FAAP100: variants seen among roughly 807,000 people sequenced by gnomAD.
FAAP100 encodes the protein Fanconi anemia core complex-associated protein 100.
A neutral mutation model predicts 65.8 loss-of-function variants in FAAP100; 46 were observed. The observed-to-expected ratio is 0.70, with a 90% confidence interval of 0.55 to 0.89. The LOEUF is 0.89. FAAP100 is among the 40% of genes least tolerant of loss of function. FAAP100 has a pLI of 0.00. For synonymous variants in FAAP100, 663 were observed against 555.1 expected (o/e 1.19, Z -2.73); for missense variants, 1,165 against 1,196.7 (o/e 0.97, Z 0.39).
intron 7 of FAAP100, among the ~76,000 whole-genome samples, chr17:81,543,075 G>A (rs1267706654): frequency 1.3e-5 from 2 of 152,220 alleles, no homozygotes; most frequent in Non-Finnish European, 2.9e-5. Context: ...CAGGGTCCTT[G>A]CACCAAATGA....
rs941450792 is a variant in FAAP100, at chr17:81,550,515, T to C, written c.979A>G (p.Ser327Gly). Residue 327 changes from serine to glycine, a missense_variant, in exon 3 of 9, where the codon AGC becomes GGC. Ser to Gly is a moderately conservative substitution (Grantham distance 56). Transcript: ENST00000327787. Reference protein sequence around the residue: ...HHGRMLAIKASWDESGKLVPE... With the variant: ...HHGRMLAIKAGWDESGKLVPE... ...ACCAGCTTCCCGGACTCATCCCAGC[T>C]GGCCTTGATGGCCAGCATCCGGCCG... is the stretch of plus-strand genomic sequence containing the variant. 3 of 1,612,736 alleles carry C rather than the reference T, an allele frequency of 1.9e-6. No homozygotes were observed. Among genetic ancestry groups the C allele is most frequent in the African/African-American group, 2.7e-5 (2 of 74,960 alleles).
At position 81,544,120 on chromosome 17, in the gene FAAP100, C is replaced by T. The variant is rs1173951625; in HGVS notation, c.2311G>A (p.Val771Met). 1 of 1,606,958 alleles carries T rather than the reference C, an allele frequency of 6.2e-7. No homozygotes were observed. Among genetic ancestry groups the T allele is most frequent in the African/African-American group, 1.3e-5 (1 of 74,848 alleles). The change falls in exon 7 of 9, where the codon GTG (valine) becomes ATG (methionine). Residue 771 changes from valine to methionine, a missense_variant and splice_region_variant. Transcript: ENST00000327787. ...GANVHLIVRE[V>M]AMTDLCPAGP... is the part of the protein sequence containing the mutation. The stretch of plus-strand genomic sequence containing the variant: ...GCTGGGCACAGGTCAGTCATGGCCA[C>T]CTGCAACACAGGAGCCACCTCACTG...
At chr17:81,548,045 C>A (rs1170603084) in intron 4 of FAAP100, 1 of 683,164 alleles carries the variant, frequency 1.5e-6, no homozygotes, top group Middle Eastern at 2.8e-4. Context: ...ACCCTTGGCT[C>A]CCCAGAATGT....
intron 6 of FAAP100, among the ~76,000 whole-genome samples, chr17:81,545,335 G>A (rs1193669617): frequency 3.3e-5 from 5 of 152,252 alleles, no homozygotes; most frequent in East Asian, 1.9e-4. Context: ...AGGTGTGCAC[G>A]ACAGGGGCTG....
chr17:81,540,923 G>C lies in FAAP100; in HGVS notation c.2542C>G (p.Arg848Gly), dbSNP rs1401804618. 1 of 1,591,520 alleles carries C rather than the reference G, an allele frequency of 6.3e-7. No individual in the cohort carries two copies. Among genetic ancestry groups the C allele is most frequent in the African/African-American group, 1.3e-5 (1 of 74,708 alleles). The change falls in exon 9 of 9, where the codon CGC (arginine) becomes GGC (glycine). Residue 848 changes from arginine to glycine, a missense_variant. Arg to Gly is a moderately radical substitution (Grantham distance 125, BLOSUM62 -2). Coordinates refer to ENST00000327787, the MANE Select transcript of FAAP100 (RefSeq NM_025161.6). Reference sequence around the variant, plus strand: ...TCATCCTCCGTGCAGAGCCGGTCGCGCAGGGTCTGCACCTCCCGCAGCAGT... The same window carrying C: ...TCATCCTCCGTGCAGAGCCGGTCGCCCAGGGTCTGCACCTCCCGCAGCAGT... ...ETLLREVQTL[R>G]DRLCTEDEAS...
In FAAP100 at chr17:81,543,996, C is replaced by A. The variant is rs149118751; in HGVS notation, c.2427+8G>T. On this transcript the variant is annotated splice_region_variant and intron_variant, in intron 7 of 8. Transcript: ENST00000327787. ...ATCCTGGCCACCTTCCCCAGCGGGC[C>A]GACATACCTGCATGCGCCCGACAAC... is the stretch of plus-strand genomic sequence containing the variant. 1.2e-6 allele frequency: 2 copies of A among 1,606,442 alleles called. No individual in the cohort carries two copies. Among genetic ancestry groups the A allele is most frequent in the African/African-American group, 1.3e-5 (1 of 74,852 alleles).
chr17:81,549,605 C>T (rs1280797564), intron 3 of FAAP100, among the ~76,000 whole-genome samples: 3 of 152,210 alleles, frequency 2.0e-5, no homozygotes, highest in Non-Finnish European at 4.4e-5. Context: ...GACAGTCTGG[C>T]GTTTCCCTTC....
In FAAP100 at chr17:81,541,291, G is replaced by C. The variant is rs752101053; in HGVS notation, c.2514+18C>G. 1.3e-5 allele frequency: 21 copies of C among 1,604,026 alleles called. No individual in the cohort carries two copies. In the Middle Eastern group the frequency reaches 5.1e-4, roughly 39 times the overall value. The stretch of plus-strand genomic sequence containing the variant: ...GCTACCCAGGGGAAGGGGACTGCCC[G>C]GGGAACCGGGTGCTCACCTCGTGGT... On this transcript the variant is annotated intron_variant, in intron 8 of 8. Transcript: ENST00000327787.
chr17:81,551,231 G>T (rs751191842), intron 2 of FAAP100, 28 bp from the exon 3 acceptor site: 25 of 1,478,114 alleles, frequency 1.7e-5, no homozygotes, highest in Non-Finnish European at 2.2e-5. Context: ...CACTGGTCAG[G>T]CCTGGGCAGG....
chr17:81,550,763 C>T lies in FAAP100; in HGVS notation c.731G>A (p.Gly244Asp). The change falls in exon 3 of 9, where the codon GGT becomes GAT. Residue 244 changes from glycine (G) to aspartate (D), a missense_variant. Physicochemically the swap from Gly to Asp is moderately conservative, Grantham distance 94. Coordinates refer to ENST00000327787, the MANE Select transcript of FAAP100 (RefSeq NM_025161.6). Reference sequence around the variant, plus strand: ...ACAGCAGAGCTGGCCATCAGGGAGACCACAGAGGACCACAGGTGACTGCAG... The same window carrying T: ...ACAGCAGAGCTGGCCATCAGGGAGATCACAGAGGACCACAGGTGACTGCAG... ...TLLQSPVVLC[G>D]LPDGQLCCVI... The T allele has an allele frequency of 6.2e-7, 1 of 1,612,454 alleles. No homozygotes were observed. Among genetic ancestry groups the T allele is most frequent in the East Asian group, 2.2e-5 (1 of 44,886 alleles).
Position 81,540,014 on chromosome 17 carries a change from CACCAGG to C in FAAP100, c.*799_*804del, listed in dbSNP as rs1301561004. The C allele has an allele frequency of 1.0e-5, 4 of 398,892 alleles. No individual in the cohort carries two copies. Among genetic ancestry groups the C allele is most frequent in the Non-Finnish European group, 1.8e-5 (4 of 226,202 alleles). 24.7% of individuals were successfully genotyped at this position (398,892 alleles called of 1,614,324 possible). On this transcript the variant is annotated 3_prime_UTR_variant, in exon 9 of 9. Transcript: ENST00000327787. The stretch of plus-strand genomic sequence containing the variant: ...CACCCTCCCCAGATGAAAACACCAG[CACCAGG>C]AGGTGGGCCGTAGCCCAGGCTGAGG...
chr17:81,549,138 C>G, intron 4 of FAAP100, 68 bp downstream of exon 4: 1 of 1,583,526 alleles, frequency 6.3e-7, no homozygotes, highest in East Asian at 2.3e-5. Flanking sequence ...AGGACGACCC[C>G]ACACAGGGAC....
At chr17:81,542,234 T>TAAA (rs148790569) in intron 7 of FAAP100, among the ~76,000 whole-genome samples, 2,118 of 93,398 alleles carry the variant, frequency 0.023, 47 homozygotes, top group African/African-American at 0.031. Context: ...TATATATATA[T>TAAA]GAAATCAGCC....
At chr17:81,550,215 C>T in intron 3 of FAAP100, 33 bp downstream of exon 3, 1 of 1,543,402 alleles carries the variant, frequency 6.5e-7, no homozygotes. Context: ...CCACCCTGGG[C>T]TCCCATCTTT....
chr17:81,550,377 G>C lies in FAAP100; in HGVS notation c.1117C>G (p.Arg373Gly). Residue 373 changes from arginine (R) to glycine (G), a missense_variant, in exon 3 of 9, where the codon CGG becomes GGG. Physicochemically the swap from Arg to Gly is moderately radical, Grantham distance 125. Coordinates refer to ENST00000327787, the MANE Select transcript of FAAP100 (RefSeq NM_025161.6). ...TCAGGGCCCAGCGGGGTGCTTCCCC[G>C]AGACAGATCCACCACACAGAGGTCA... ...PSDLCVVDLS[R>G]GSTPLGPEQP... is the part of the protein sequence containing the mutation. 6.2e-7 allele frequency: 1 copy of C among 1,612,794 alleles called. No homozygotes were observed. The highest frequency in any genetic ancestry group is 1.1e-5 in the South Asian group (1 of 91,080).
At position 81,552,061 on chromosome 17, in the gene FAAP100, CG is replaced by C; in HGVS notation, c.166-10del. On this transcript the variant is annotated splice_polypyrimidine_tract_variant and intron_variant, in intron 1 of 8. Coordinates refer to ENST00000327787, the MANE Select transcript of FAAP100 (RefSeq NM_025161.6). The stretch of plus-strand genomic sequence containing the variant: ...GGGAACCGGAACGCCGCCTGCGGAC[CG>C]GGGCGCGGGTCAGGCCGACGCGACG... 6.7e-7 allele frequency: 1 copy of C among 1,502,204 alleles called. No individual in the cohort carries two copies. Among genetic ancestry groups the C allele is most frequent in the African/African-American group, 1.4e-5 (1 of 69,032 alleles). The allele number at this position is 1,502,204 out of a possible 1,614,324, so 93.1% of individuals were successfully genotyped here.
rs2033345267 is a variant in FAAP100, at chr17:81,547,369, C to G, written c.1713G>C (p.Gln571His). The part of the protein sequence containing the change: ...SAITYTIPVD[Q>H]LGPGARREVT... ...CCTCCCGCCGAGCACCGGGGCCGAG[C>G]TGGTCCACGGGGATGGTGTAGGTGA... Residue 571 changes from glutamine to histidine, a missense_variant, in exon 5 of 9, where the codon CAG (glutamine) becomes CAC (histidine). Physicochemically the swap from Gln to His is conservative, Grantham distance 24. Coordinates refer to ENST00000327787, the MANE Select transcript of FAAP100 (RefSeq NM_025161.6). 6.2e-7 allele frequency: 1 copy of G among 1,612,862 alleles called. No homozygotes were observed. Among genetic ancestry groups the G allele is most frequent in the Non-Finnish European group, 8.5e-7 (1 of 1,179,988 alleles).
intron 1 of FAAP100, 25 bp from the exon 2 acceptor site, chr17:81,552,077 C>T: frequency 6.8e-7 from 1 of 1,465,958 alleles, no homozygotes; most frequent in South Asian, 1.4e-5. Flanking sequence ...GCGGGTCAGG[C>T]CGACGCGACG....
Position 81,540,377 on chromosome 17 carries a change from T to C in FAAP100, c.*442A>G, listed in dbSNP as rs2033039954. ...TGCCACCCAGAGGGGCAGCCGGTGC[T>C]CCTGGTGGTGTGGCAGCAACAGTTA... On this transcript the variant is annotated 3_prime_UTR_variant, in exon 9 of 9. Transcript: ENST00000327787. 1 of 401,590 alleles carries C rather than the reference T, an allele frequency of 2.5e-6. No individual in the cohort carries two copies. The highest frequency in any genetic ancestry group is 4.4e-6 in the Non-Finnish European group (1 of 227,874). 24.9% of individuals were successfully genotyped at this position (401,590 alleles called of 1,614,324 possible).
Sources: allele counts gnomAD v4.1 joint callset (sites outside exome capture counted in the v4.1 genomes callset), GRCh38; gene constraint gnomAD v4.1.1; transcripts MANE v1.5; gene names NCBI Gene and HGNC (gene_info 2026-07-23, HGNC 2026-07-21).